Variants in C13orf46 observed in about 807,000 individuals in gnomAD.
C13orf46 encodes uncharacterized protein C13orf46.
Position 113,963,653 on chromosome 13 carries a change from C to G in C13orf46, c.572+1274G>C, listed in dbSNP as rs1461531654. ...GCCCCCTCTCCTCAGCCTCGCCCGT[C>G]CTCAGCCTTGCCCCTGTCCTCAGCC... On this transcript the variant is annotated intron_variant, in intron 6 of 6. Transcript: ENST00000636427. 2.0e-5 allele frequency among the ~76,000 whole-genome samples: 3 copies of G among 151,410 alleles called. No homozygotes were observed. In the East Asian group the frequency reaches 5.9e-4, roughly 30 times the overall value.
At chr13:113,939,548 G>A in the C13orf46 span, among the ~76,000 whole-genome samples, 3 of 152,334 alleles carry the variant, frequency 2.0e-5, no homozygotes, top group Admixed American at 2.0e-4. Flanking sequence ...ACGTGGATGG[G>A]GAGGGCGGCA....
chr13:113,931,111 G>A, the C13orf46 span, among the ~76,000 whole-genome samples: 4 of 152,306 alleles, frequency 2.6e-5, no homozygotes, highest in South Asian at 8.3e-4. Flanking sequence ...CAGGCTTGGC[G>A]AGCCATCCCC....
chr13:113,935,245 C>T, the C13orf46 span, among the ~76,000 whole-genome samples: 6 of 152,246 alleles, frequency 3.9e-5, no homozygotes, highest in African/African-American at 1.2e-4. Flanking sequence ...ACTCGGCCCC[C>T]GGCGCCCTTC....
chr13:113,958,672 C>T (rs1217944841), intron 6 of C13orf46, among the ~76,000 whole-genome samples: 1 of 152,362 alleles, frequency 6.6e-6, no homozygotes, highest in African/African-American at 2.4e-5. Flanking sequence ...AGCCTCAGTG[C>T]ACAGTCCTCA....
downstream of C13orf46, among the ~76,000 whole-genome samples, chr13:113,949,134 T>C: frequency 1.3e-5 from 2 of 152,332 alleles, no homozygotes; most frequent in Admixed American, 1.3e-4. Flanking sequence ...GAGGCCTAGA[T>C]AAAAACTTTT....
At chr13:113,935,593 T>C in the C13orf46 span, among the ~76,000 whole-genome samples, 39 of 152,270 alleles carry the variant, frequency 2.6e-4, 1 homozygote, top group East Asian at 7.5e-3. Context: ...AAGGGATTGG[T>C]AGAAGGGGTC....
chr13:113,962,132 G>A (rs1032899770), intron 6 of C13orf46, among the ~76,000 whole-genome samples: 11 of 152,282 alleles, frequency 7.2e-5, no homozygotes, highest in South Asian at 2.1e-4. Flanking sequence ...GGCTGGGTGC[G>A]GTGGCTCACG....
chr13:113,965,824 G>A (rs2052634660), intron 5 of C13orf46, among the ~76,000 whole-genome samples: 1 of 124,512 alleles, frequency 8.0e-6, no homozygotes, highest in African/African-American at 3.4e-5. Flanking sequence ...GGTGATGATG[G>A]TGATAATGGT....
the C13orf46 span, among the ~76,000 whole-genome samples, chr13:113,947,400 G>A: frequency 6.6e-6 from 1 of 152,176 alleles, no homozygotes; most frequent in Non-Finnish European, 1.5e-5. Context: ...GCCAGGAGTA[G>A]GTCACTGCTG....
intron 2 of C13orf46, among the ~76,000 whole-genome samples, chr13:113,969,303 G>A (rs1443205640): frequency 6.6e-6 from 1 of 152,254 alleles, no homozygotes; most frequent in Non-Finnish European, 1.5e-5. Flanking sequence ...TGACTTGGCC[G>A]AGGGTATTGA....
intron 1 of C13orf46, among the ~76,000 whole-genome samples, chr13:113,973,241 G>A (rs1176702629): frequency 6.6e-6 from 1 of 152,162 alleles, no homozygotes; most frequent in Non-Finnish European, 1.5e-5. Context: ...TAAGATCTCT[G>A]CCCTAAGCAG....
At chr13:113,940,092 C>G in the C13orf46 span, among the ~76,000 whole-genome samples, 7 of 152,260 alleles carry the variant, frequency 4.6e-5, no homozygotes, top group Non-Finnish European at 7.3e-5. Flanking sequence ...CTGCCTGGCC[C>G]TGCCCATGCG....
chr13:113,932,605 T>C, the C13orf46 span, among the ~76,000 whole-genome samples: 2 of 152,266 alleles, frequency 1.3e-5, no homozygotes, highest in African/African-American at 4.8e-5. Context: ...AAAGGCTTCT[T>C]GACATGTTTT....
At chr13:113,929,986 C>T in the C13orf46 span, among the ~76,000 whole-genome samples, 33 of 152,250 alleles carry the variant, frequency 2.2e-4, no homozygotes, top group Non-Finnish European at 3.7e-4. Flanking sequence ...AGTGGACTTA[C>T]GTGGACAAAA....
chr13:113,945,530 C>T, the C13orf46 span, among the ~76,000 whole-genome samples: 5 of 113,968 alleles, frequency 4.4e-5, no homozygotes, highest in Non-Finnish European at 5.2e-5. Context: ...GGCGACAGAG[C>T]GAGAATCTGA....
At chr13:113,971,843 C>T (rs774331538) in intron 1 of C13orf46, among the ~76,000 whole-genome samples, 3 of 152,204 alleles carry the variant, frequency 2.0e-5, no homozygotes, top group Non-Finnish European at 4.4e-5. Context: ...CCCTTCTCCT[C>T]GGGTCACAGG....
At chr13:113,929,353 C>T in the C13orf46 span, among the ~76,000 whole-genome samples, 1 of 152,260 alleles carries the variant, frequency 6.6e-6, no homozygotes, top group Non-Finnish European at 1.5e-5. Context: ...CAGAGCCTCG[C>T]TCTGCTCCCA....
In C13orf46 at chr13:113,955,149, TGAGGAGCATCTCGAGGAGAG is replaced by T. The variant is rs1284264777; in HGVS notation, c.*1604_*1623del. 1,272 of 160,908 alleles carry T rather than the reference TGAGGAGCATCTCGAGGAGAG, an allele frequency of 7.9e-3. 27 individuals are homozygous for T. The highest frequency in any genetic ancestry group is 0.041 in the African/African-American group (1,192 of 29,072). The allele number at this position is 160,908 out of a possible 1,614,324, so 10.0% of individuals were successfully genotyped here. Reference sequence around the variant, plus strand: ...GGAGACGAGGAGCATCCGGTGGAGATGAGGAGCATCTCGAGGAGAGGAGGAGCATCTGGTGGAGAGGAGGA... The same window carrying T: ...GGAGACGAGGAGCATCCGGTGGAGATGAGGAGCATCTGGTGGAGAGGAGGA... On this transcript the variant is annotated 3_prime_UTR_variant, in exon 7 of 7. Transcript: ENST00000636427.
chr13:113,948,345 T>C, the C13orf46 span, among the ~76,000 whole-genome samples: 2 of 152,176 alleles, frequency 1.3e-5, no homozygotes, highest in African/African-American at 2.4e-5. Context: ...GTTCTTGACA[T>C]CAAAAATGTT....
Sources: allele counts gnomAD v4.1 joint callset (sites outside exome capture counted in the v4.1 genomes callset), GRCh38; gene constraint gnomAD v4.1.1; transcripts MANE v1.5; gene names NCBI Gene and HGNC (gene_info 2026-07-23, HGNC 2026-07-21).